The following ATG7 variants were observed in gnomAD, a reference collection of about 807,000 sequenced individuals.
The protein encoded by ATG7 is autophagy related 7.
ATG7 carries 70 observed loss-of-function variants against 82.4 expected under a neutral mutation model. The ratio of observed to expected loss-of-function variants is 0.85; its 90% CI spans 0.70 to 1.04. The LOEUF (loss-of-function observed/expected upper bound fraction) is 1.04, where lower values mean the gene tolerates loss of function less well. Ranked by LOEUF, ATG7 falls within the 50% of genes least tolerant of loss-of-function variation. The pLI is 0.00. For missense variants in ATG7, 792 were observed against 864.3 expected (o/e 0.92, Z 1.05); for synonymous variants, 287 against 313.0 (o/e 0.92, Z 0.88).
intron 20 of ATG7, among the ~76,000 whole-genome samples, chr3:11,464,580 T>C (rs1318197857): frequency 6.6e-6 from 1 of 152,184 alleles, no homozygotes; most frequent in Non-Finnish European, 1.5e-5. Flanking sequence ...GTCATTCTTG[T>C]TTCTTGCCAA....
chr3:11,426,769 GA>G lies in ATG7; in HGVS notation c.1957-34del, dbSNP rs768381396. 2.0e-5 allele frequency: 30 copies of G among 1,524,942 alleles called. No homozygotes were observed. In the East Asian group the frequency reaches 6.3e-4, roughly 32 times the overall value. 94.5% of individuals were successfully genotyped at this position (1,524,942 alleles called of 1,614,324 possible). On this transcript the variant is annotated intron_variant, in intron 19 of 20. Transcript: ENST00000693202. ...TCTTTTAATTTGCATTTTAAGTCTG[GA>G]GACTCCTTTTTAAAAAATGTAAATG...
chr3:11,375,074 G>T (rs1446161087), intron 18 of ATG7, among the ~76,000 whole-genome samples: 1 of 151,500 alleles, frequency 6.6e-6, no homozygotes, highest in Admixed American at 6.6e-5. Flanking sequence ...AATTAGCTGA[G>T]TGTGGTGGTG....
At chr3:11,407,582 C>A (rs577943726) in intron 19 of ATG7, among the ~76,000 whole-genome samples, 59 of 152,352 alleles carry the variant, frequency 3.9e-4, no homozygotes, top group Non-Finnish European at 6.3e-4. Context: ...AGGACCCCAC[C>A]CCTACAGCAA....
intron 19 of ATG7, among the ~76,000 whole-genome samples, chr3:11,387,647 G>A (rs1296862068): frequency 1.3e-5 from 2 of 152,156 alleles, no homozygotes; most frequent in African/African-American, 2.4e-5. Flanking sequence ...TGTTCAGACT[G>A]ATGAAAGCAG....
chr3:11,542,348 A>G (rs558743608), intron 20 of ATG7, among the ~76,000 whole-genome samples: 1 of 152,342 alleles, frequency 6.6e-6, no homozygotes, highest in African/African-American at 2.4e-5. Context: ...TTCCAGACTA[A>G]TAAGAGGGGG....
intron 20 of ATG7, among the ~76,000 whole-genome samples, chr3:11,541,530 C>T (rs1273539957): frequency 6.6e-6 from 1 of 152,190 alleles, no homozygotes; most frequent in Non-Finnish European, 1.5e-5. Context: ...CAGAGGATGT[C>T]ACCTTGCCAG....
intron 20 of ATG7, among the ~76,000 whole-genome samples, chr3:11,489,355 T>G (rs1173523453): frequency 6.6e-6 from 1 of 152,162 alleles, no homozygotes; most frequent in Admixed American, 6.5e-5. Context: ...TTGCGTCTAT[T>G]TGATTCTTCT....
chr3:11,441,008 G>A (rs1010450432), intron 20 of ATG7, among the ~76,000 whole-genome samples: 2 of 151,902 alleles, frequency 1.3e-5, no homozygotes, highest in African/African-American at 4.8e-5. Context: ...TCAGCTATCT[G>A]GTGAAAAAAA....
At chr3:11,527,895 T>G (rs186352955) in intron 20 of ATG7, among the ~76,000 whole-genome samples, 3 of 152,344 alleles carry the variant, frequency 2.0e-5, no homozygotes, top group African/African-American at 7.2e-5. Context: ...TTTCCTTGTT[T>G]GTGACTACAA....
At chr3:11,498,608 C>T (rs141890174) in intron 20 of ATG7, among the ~76,000 whole-genome samples, 46 of 152,346 alleles carry the variant, frequency 3.0e-4, no homozygotes, top group African/African-American at 9.9e-4. Context: ...AAGCTTCTAA[C>T]GCCTCAGCTG....
At chr3:11,541,488 G>C (rs2070831002) in intron 20 of ATG7, among the ~76,000 whole-genome samples, 1 of 152,142 alleles carries the variant, frequency 6.6e-6, no homozygotes, top group African/African-American at 2.4e-5. Flanking sequence ...TGTCTGCCTT[G>C]TTACTTGGTC....
At chr3:11,399,447 A>C (rs1478936892) in intron 19 of ATG7, among the ~76,000 whole-genome samples, 1 of 152,254 alleles carries the variant, frequency 6.6e-6, no homozygotes, top group African/African-American at 2.4e-5. Context: ...AGGCAGATTT[A>C]GGTGAAAAAT....
downstream of ATG7, chr3:11,559,515 G>A: frequency 2.7e-6 from 4 of 1,483,388 alleles, no homozygotes; most frequent in South Asian, 1.4e-5. Flanking sequence ...CACCACCCCT[G>A]GGGCCCTCCC....
chr3:11,405,353 A>C (rs568368622), intron 19 of ATG7, among the ~76,000 whole-genome samples: 1 of 152,152 alleles, frequency 6.6e-6, no homozygotes, highest in Non-Finnish European at 1.5e-5. Flanking sequence ...CAAGGCTACT[A>C]TGGAGCTTGA....
At chr3:11,560,898 A>G (rs1559853926), downstream of ATG7, among the ~76,000 whole-genome samples, 1 of 152,160 alleles carries the variant, frequency 6.6e-6, no homozygotes, top group South Asian at 2.1e-4. Flanking sequence ...AGACTTCACA[A>G]TGCTGAGCAG....
chr3:11,566,394 G>A, the ATG7 span, among the ~76,000 whole-genome samples: 2 of 152,206 alleles, frequency 1.3e-5, no homozygotes, highest in Non-Finnish European at 2.9e-5. Context: ...TATCGACAAT[G>A]AGACAACTAC....
chr3:11,475,870 C>CACACACACACACACAA (rs2088120905), intron 20 of ATG7, among the ~76,000 whole-genome samples: 1 of 137,272 alleles, frequency 7.3e-6, no homozygotes, highest in Non-Finnish European at 1.6e-5. Flanking sequence ...GTCTCTGAGA[C>CACACACACACACACAA]ACACACACAC....
At chr3:11,550,426 G>C (rs1356791060) in intron 20 of ATG7, among the ~76,000 whole-genome samples, 1 of 152,008 alleles carries the variant, frequency 6.6e-6, no homozygotes, top group African/African-American at 2.4e-5. Context: ...TTGAGACAGG[G>C]TCTCACTCTC....
At chr3:11,499,600 A>G (rs1041001320) in intron 20 of ATG7, among the ~76,000 whole-genome samples, 1 of 152,042 alleles carries the variant, frequency 6.6e-6, no homozygotes, top group Non-Finnish European at 1.5e-5. Context: ...ACAAAAAATT[A>G]GACAGGTGTG....
Sources: gnomAD v4.1 joint callset for allele counts (sites outside exome capture counted in the v4.1 genomes callset) on GRCh38, gnomAD v4.1.1 for gene constraint, MANE v1.5 for transcripts, NCBI Gene and HGNC (gene_info 2026-07-23, HGNC 2026-07-21) for gene names.